RTP5: variants seen among roughly 807,000 people sequenced by gnomAD.
RTP5 encodes the protein receptor-transporting protein 5.
A neutral mutation model predicts 23.5 loss-of-function variants in RTP5; 30 were observed. The ratio of observed to expected loss-of-function variants is 1.27; its 90% CI spans 0.95 to 1.73. The LOEUF (loss-of-function observed/expected upper bound fraction) is 1.73. Among genes scored for constraint, RTP5 ranks in the 40% most tolerant of loss-of-function variants. The pLI, the probability that RTP5 is intolerant of heterozygous loss-of-function variation, is 0.00. For synonymous variants in RTP5, 354 were observed against 342.1 expected (o/e 1.03, Z -0.38); for missense variants, 807 against 784.2 (o/e 1.03, Z -0.35).
rs778579176 is a variant in RTP5, at chr2:241,873,122, C to T, written c.1567C>T (p.Arg523Trp). Reference sequence around the variant, plus strand: ...CCACAAGGCCCGCTGTGGGTGCCGCCGGGAGGAAGACGAGCGCCCTGGCCG... The same window carrying T: ...CCACAAGGCCCGCTGTGGGTGCCGCTGGGAGGAAGACGAGCGCCCTGGCCG... ...RFHKARCGCR[R>W]EEDERPGRAC... Residue 523 changes from arginine to tryptophan, a missense_variant, in exon 2 of 2, where the codon CGG becomes TGG. Physicochemically the swap from Arg to Trp is moderately radical, Grantham distance 101. Coordinates refer to ENST00000343216, the MANE Select transcript of RTP5 (RefSeq NM_173821.3). The T allele has an allele frequency of 8.2e-5, 133 of 1,612,326 alleles. No individual in the cohort carries two copies. Among genetic ancestry groups the T allele is most frequent in the South Asian group, 6.6e-4 (60 of 91,064 alleles).
In RTP5 at chr2:241,871,938, A is replaced by T. The variant is rs775713023; in HGVS notation, c.383A>T (p.Asp128Val). 17 of 1,590,062 alleles carry T rather than the reference A, an allele frequency of 1.1e-5. No homozygotes were observed. The highest frequency in any genetic ancestry group is 1.5e-5 in the Non-Finnish European group (17 of 1,168,426). Residue 128 changes from aspartate to valine, a missense_variant, in exon 2 of 2, where the codon GAT (aspartate) becomes GTT (valine). Transcript: ENST00000343216. ...CACATCCTGCAGGACTGCTACGGGG[A>T]TGGCCCCGGCCCAGCCCGGCACCCC... ...VLHILQDCYG[D>V]GPGPARHPRE...
chr2:241,869,872 T>C lies in RTP5; in HGVS notation c.116T>C (p.Leu39Pro). The C allele has an allele frequency of 6.3e-7, 1 of 1,584,524 alleles. No homozygotes were observed. The highest frequency in any genetic ancestry group is 1.1e-5 in the South Asian group (1 of 87,238). The change falls in exon 1 of 2, where the codon CTG becomes CCG. Residue 39 changes from leucine to proline, a missense_variant. Leu to Pro is a moderately conservative substitution (Grantham distance 98). Transcript: ENST00000343216. The stretch of plus-strand genomic sequence containing the variant: ...GAGCACAGCCTGGTCCCGGGATGCC[T>C]GGACGGCGGTGGTGTCCAGTACCTG... ...LPEHSLVPGC[L>P]DGGGVQYLLV...
At chr2:241,870,065 C>T (rs1701287354) in intron 1 of RTP5, 151 bp downstream of exon 1, 5 of 836,162 alleles carry the variant, frequency 6.0e-6, no homozygotes, top group East Asian at 3.3e-5. Context: ...CTTCTCCCGC[C>T]GGAGCCCCTG....
At chr2:241,870,019 C>A in intron 1 of RTP5, 105 bp downstream of exon 1, 16 of 903,318 alleles carry the variant, frequency 1.8e-5, no homozygotes, top group Admixed American at 4.1e-5. Flanking sequence ...TGGGCCTCGT[C>A]TTGTCCCCGA....
Position 241,872,006 on chromosome 2 carries a change from G to C in RTP5, c.451G>C (p.Val151Leu). ...CTGCTGTGAGGCCTGTGAGCTGGGG[G>C]TCTGCTTCCTCCAGAAGGCCCCAGA... ...EGCCEACELG[V>L]CFLQKAPDPA... Residue 151 changes from valine (V) to leucine (L), a missense_variant, in exon 2 of 2, where the codon GTC (valine) becomes CTC (leucine). Transcript: ENST00000343216. 1 of 1,579,306 alleles carries C rather than the reference G, an allele frequency of 6.3e-7. No individual in the cohort carries two copies. Among genetic ancestry groups the C allele is most frequent in the Non-Finnish European group, 8.6e-7 (1 of 1,160,596 alleles).
In RTP5 at chr2:241,871,866, A is replaced by G; in HGVS notation, c.311A>G (p.Gln104Arg). ...CRLCPAPGDC[Q>R]VRPPGEQPFL... is the part of the protein sequence containing the mutation. ...CTGTGCCCCGCACCCGGGGACTGCC[A>G]GGTGAGGCCCCCGGGCGAGCAGCCC... The change falls in exon 2 of 2, where the codon CAG (glutamine) becomes CGG (arginine). Residue 104 changes from glutamine (Q) to arginine (R), a missense_variant. Transcript: ENST00000343216. 6.5e-7 allele frequency: 1 copy of G among 1,548,018 alleles called. No homozygotes were observed. The highest frequency in any genetic ancestry group is 2.0e-5 in the Admixed American group (1 of 50,660).
Position 241,873,268 on chromosome 2 carries a change from A to T in RTP5, c.1713A>T (p.Gln571His), listed in dbSNP as rs1286843443. ...CRLNPGIYPQ[Q>H]V ...TGAACCCCGGGATCTACCCGCAGCA[A>T]GTGTGACGCCCCGAAGTTCAGGCAA... is the stretch of plus-strand genomic sequence containing the variant. Residue 571 changes from glutamine (Q) to histidine (H), a missense_variant, in exon 2 of 2, where the codon CAA (glutamine) becomes CAT (histidine). Gln to His is a conservative substitution (Grantham distance 24, BLOSUM62 0). Transcript: ENST00000343216. The T allele has an allele frequency of 4.4e-6, 7 of 1,574,206 alleles. No individual in the cohort carries two copies. Among genetic ancestry groups the T allele is most frequent in the Non-Finnish European group, 5.2e-6 (6 of 1,163,054 alleles).
In RTP5 at chr2:241,872,990, T is replaced by G; in HGVS notation, c.1435T>G (p.Phe479Val). 1 of 1,613,144 alleles carries G rather than the reference T, an allele frequency of 6.2e-7. No individual in the cohort carries two copies. Among genetic ancestry groups the G allele is most frequent in the Non-Finnish European group, 8.5e-7 (1 of 1,180,002 alleles). The change falls in exon 2 of 2, where the codon TTC (phenylalanine) becomes GTC (valine). Residue 479 changes from phenylalanine to valine, a missense_variant. Transcript: ENST00000343216. ...CTGCATCACCATCCCCTTCGCAGTC[T>G]TCGATGTCATAAAGCGCAAGGGCGG... ...EGCITIPFAV[F>V]DVIKRKGGGH...
chr2:241,872,095 C>T lies in RTP5; in HGVS notation c.540C>T (p.Gly180=). The change falls in exon 2 of 2, where the codon GGC becomes GGT. Residue 180 remains glycine (G), a synonymous_variant. Transcript: ENST00000343216. The part of the protein sequence containing the change: ...NFPATAWGGT[G]TVSRGKPLST... The stretch of plus-strand genomic sequence containing the variant: ...CCGCCACGGCCTGGGGTGGCACTGG[C>T]ACCGTCTCCAGGGGCAAACCGCTGT... 6.3e-7 allele frequency: 1 copy of T among 1,586,444 alleles called. No homozygotes were observed. Among genetic ancestry groups the T allele is most frequent in the Non-Finnish European group, 8.6e-7 (1 of 1,161,778 alleles).
In RTP5 at chr2:241,871,609, G is replaced by A. The variant is rs935596535; in HGVS notation, c.159-105G>A. On this transcript the variant is annotated intron_variant, in intron 1 of 1. Transcript: ENST00000343216. ...TGTGGGATGTGAGGCAGGGGGCAGC[G>A]AGGCGCTGGGGTCGGATGGGCAAGG... The A allele has an allele frequency of 2.0e-5, 28 of 1,382,852 alleles. 2 individuals carry two copies. The highest frequency in any genetic ancestry group is 1.7e-4 in the South Asian group (11 of 66,104). The allele number at this position is 1,382,852 out of a possible 1,614,324, so 85.7% of individuals were successfully genotyped here. A position where few individuals can be genotyped will look rare whatever the true frequency, so the allele number is the denominator to read the frequency against.
rs1200244005 is a variant in RTP5, at chr2:241,869,844, C to T, written c.88C>T (p.Pro30Ser). Residue 30 changes from proline (P) to serine (S), a missense_variant, in exon 1 of 2, where the codon CCT (proline) becomes TCT (serine). Physicochemically the swap from Pro to Ser is moderately conservative, Grantham distance 74. Transcript: ENST00000343216. ...GCCCCAGGACGTCTGGGTTCTGCTA[C>T]CTGAGCACAGCCTGGTCCCGGGATG... ...RKPQDVWVLL[P>S]EHSLVPGCLD... 1 of 1,587,420 alleles carries T rather than the reference C, an allele frequency of 6.3e-7. No individual in the cohort carries two copies. Among genetic ancestry groups the T allele is most frequent in the Non-Finnish European group, 8.6e-7 (1 of 1,168,656 alleles).
rs757701623 is a variant in RTP5 at position 241,872,754 on chromosome 2, T to C, written c.1199T>C (p.Val400Ala). 6.3e-7 allele frequency: 1 copy of C among 1,597,788 alleles called. No individual in the cohort carries two copies. The highest frequency in any genetic ancestry group is 8.5e-7 in the Non-Finnish European group (1 of 1,170,336). The change falls in exon 2 of 2, where the codon GTG becomes GCG. Residue 400 changes from valine to alanine, a missense_variant. Physicochemically the swap from Val to Ala is moderately conservative, Grantham distance 64. Transcript: ENST00000343216. ...GGAGGCGGCCAGGGCCTCGTCCCAG[T>C]GGGTCACGACGCCCTGCCAGAGACC... is the stretch of plus-strand genomic sequence containing the variant. ...KEGGGQGLVP[V>A]GHDALPETNA...
Position 241,872,012 on chromosome 2 carries a change from T to A in RTP5, c.457T>A (p.Phe153Ile). 1 of 1,576,176 alleles carries A rather than the reference T, an allele frequency of 6.3e-7. No individual in the cohort carries two copies. Among genetic ancestry groups the A allele is most frequent in the Non-Finnish European group, 8.6e-7 (1 of 1,158,106 alleles). The change falls in exon 2 of 2, where the codon TTC (phenylalanine) becomes ATC (isoleucine). Residue 153 changes from phenylalanine (F) to isoleucine (I), a missense_variant. Transcript: ENST00000343216. ...TGAGGCCTGTGAGCTGGGGGTCTGC[T>A]TCCTCCAGAAGGCCCCAGACCCCGC... ...CCEACELGVC[F>I]LQKAPDPAWS...
rs761978952 is a variant in RTP5, at chr2:241,872,050, C to T, written c.495C>T (p.Asn165=). The T allele has an allele frequency of 2.8e-5, 44 of 1,565,324 alleles. No individual in the cohort carries two copies. The highest frequency in any genetic ancestry group is 1.6e-4 in the African/African-American group (12 of 73,780). The change falls in exon 2 of 2, where the codon AAC becomes AAT. Residue 165 remains asparagine (N), a synonymous_variant. Coordinates refer to ENST00000343216, the MANE Select transcript of RTP5 (RefSeq NM_173821.3). ...QKAPDPAWSA[N]ATKGNFPATA... ...CCCCAGACCCCGCCTGGAGCGCCAA[C>T]GCCACAAAAGGCAACTTCCCCGCCA... is the stretch of plus-strand genomic sequence containing the variant.
Position 241,873,136 on chromosome 2 carries a change from G to C in RTP5, c.1581G>C (p.Glu527Asp), listed in dbSNP as rs576900958. The C allele has an allele frequency of 1.7e-5, 28 of 1,612,146 alleles. 1 individual carries two copies. The South Asian group carries it at 3.0e-4, about 17-fold the overall frequency. ...GTGGGTGCCGCCGGGAGGAAGACGA[G>C]CGCCCTGGCCGTGCCTGCCGTAGGC... ...ARCGCRREED[E>D]RPGRACRRPH... The change falls in exon 2 of 2, where the codon GAG becomes GAC. Residue 527 changes from glutamate (E) to aspartate (D), a missense_variant. Coordinates refer to ENST00000343216, the MANE Select transcript of RTP5 (RefSeq NM_173821.3).
At chr2:241,870,780 GC>G (rs778515448) in intron 1 of RTP5, among the ~76,000 whole-genome samples, 3 of 152,242 alleles carry the variant, frequency 2.0e-5, no homozygotes, top group Non-Finnish European at 4.4e-5. Context: ...GAGGACGGCT[GC>G]CCCAACATGC....
chr2:241,871,238 G>A (rs1701310532), intron 1 of RTP5: 2 of 360,184 alleles, frequency 5.6e-6, no homozygotes, highest in Non-Finnish European at 1.1e-5. Context: ...CCCAGGGACA[G>A]CCCCCACATG....
Position 241,873,374 on chromosome 2 carries a change from C to A in RTP5, c.*100C>A. On this transcript the variant is annotated 3_prime_UTR_variant, in exon 2 of 2. Coordinates refer to ENST00000343216, the MANE Select transcript of RTP5 (RefSeq NM_173821.3). ...AGATGCCCGCCCCGCCTCCGAGACCCCGCCTCCACCTCCGAGACCCCTTTC... is the reference window on the plus strand; with the variant it reads ...AGATGCCCGCCCCGCCTCCGAGACCACGCCTCCACCTCCGAGACCCCTTTC... 7.5e-7 allele frequency: 1 copy of A among 1,335,936 alleles called. No homozygotes were observed. The highest frequency in any genetic ancestry group is 1.4e-5 in the South Asian group (1 of 70,562). The allele number at this position is 1,335,936 out of a possible 1,614,324, so 82.8% of individuals were successfully genotyped here.
In RTP5 at chr2:241,872,824, C is replaced by A; in HGVS notation, c.1269C>A (p.Leu423=). 6.2e-7 allele frequency: 1 copy of A among 1,612,624 alleles called. No homozygotes were observed. The highest frequency in any genetic ancestry group is 1.3e-5 in the African/African-American group (1 of 75,062). Residue 423 remains leucine (L), a synonymous_variant, in exon 2 of 2, where the codon CTC becomes CTA. Coordinates refer to ENST00000343216, the MANE Select transcript of RTP5 (RefSeq NM_173821.3). ...CCCAGGTCAAGGGCTCCCTTGCCCT[C>A]CCCTTCCCTGCTGATGTCCAAGGCA... ...LPSQVKGSLA[L]PFPADVQGKD... is the part of the protein sequence containing the mutation.
Sources: allele counts gnomAD v4.1 joint callset (sites outside exome capture counted in the v4.1 genomes callset), GRCh38; gene constraint gnomAD v4.1.1; transcripts MANE v1.5; gene names NCBI Gene and HGNC (gene_info 2026-07-23, HGNC 2026-07-21).